Variants in CUX1 observed in about 807,000 individuals in gnomAD.
The protein encoded by CUX1 is protein CASP.
Under a neutral mutation model 158.8 loss-of-function variants are expected in CUX1, and 31 were observed. The observed-to-expected ratio is 0.20, with a 90% CI of 0.15 to 0.26. CUX1 has a LOEUF of 0.26. Ranked by LOEUF, CUX1 falls within the 10% of genes least tolerant of loss-of-function variation. The pLI is 1.00. For missense variants in CUX1, 1,589 were observed against 2,014.6 expected, an observed-to-expected ratio of 0.79 and a Z score of 4.04; for synonymous variants, 879 against 862.1, an observed-to-expected ratio of 1.02 and a Z score of -0.34.
chr7:102,231,307 G>A (rs1278133093), intron 21 of CUX1, among the ~76,000 whole-genome samples: 8 of 150,474 alleles, frequency 5.3e-5, no homozygotes, highest in Non-Finnish European at 1.0e-4. Flanking sequence ...TGGGATTACA[G>A]GCGTGAGCCA....
Position 102,170,647 on chromosome 7 carries a change from T to C in CUX1, c.828+97T>C, listed in dbSNP as rs1239438502. On this transcript the variant is annotated intron_variant, in intron 10 of 23. Transcript: ENST00000292535. ...CCTTTTTGTTTTCAGCATCTCTTTTTGGGAATCACGTTTTAACTAGTACTG... is the reference window on the plus strand; with the variant it reads ...CCTTTTTGTTTTCAGCATCTCTTTTCGGGAATCACGTTTTAACTAGTACTG... The C allele has an allele frequency of 6.0e-6, 5 of 832,732 alleles. No individual in the cohort carries two copies. The East Asian group carries it at 1.4e-4, about 23-fold the overall frequency. The allele number at this position is 832,732 out of a possible 1,614,324, so 51.6% of individuals were successfully genotyped here. A position where few individuals can be genotyped will look rare whatever the true frequency, so the allele number is the denominator to read the frequency against.
intron 11 of CUX1, among the ~76,000 whole-genome samples, chr7:102,183,965 A>G (rs781950494): frequency 1.3e-5 from 2 of 151,964 alleles, no homozygotes; most frequent in African/African-American, 4.8e-5. Context: ...TGGCACCATC[A>G]TAGCTCACTG....
At chr7:102,160,900 A>G (rs185242703) in intron 9 of CUX1, among the ~76,000 whole-genome samples, 2 of 152,350 alleles carry the variant, frequency 1.3e-5, no homozygotes, top group African/African-American at 4.8e-5. Context: ...GCTACTGAAA[A>G]GTACGCTAAT....
chr7:102,139,528 C>T (rs1554499640), intron 8 of CUX1, among the ~76,000 whole-genome samples: 1 of 152,186 alleles, frequency 6.6e-6, no homozygotes, highest in Non-Finnish European at 1.5e-5. Context: ...GGCATGGTGG[C>T]CCACCCCTGT....
chr7:102,073,352 T>C (rs1334443701), intron 4 of CUX1, among the ~76,000 whole-genome samples: 2 of 151,614 alleles, frequency 1.3e-5, no homozygotes, highest in Admixed American at 6.6e-5. Context: ...TTTTGTACTT[T>C]AGTAGAGACG....
Position 102,178,466 on chromosome 7 carries a change from C to A in CUX1, c.829-3C>A, listed in dbSNP as rs1792642707. On this transcript the variant is annotated splice_polypyrimidine_tract_variant and splice_region_variant and intron_variant, in intron 10 of 23. Transcript: ENST00000292535. Reference sequence around the variant, plus strand: ...GTTTTGTCATCTCTTTTCTCCTCCCCAGGAGCAGGCCATAGAGGTGCTGAC... The same window carrying A: ...GTTTTGTCATCTCTTTTCTCCTCCCAAGGAGCAGGCCATAGAGGTGCTGAC... The A allele has an allele frequency of 6.3e-7, 1 of 1,589,994 alleles. No homozygotes were observed. The highest frequency in any genetic ancestry group is 1.7e-5 in the Admixed American group (1 of 58,674).
At chr7:101,964,144 G>T (rs935738425) in intron 2 of CUX1, among the ~76,000 whole-genome samples, 1 of 152,018 alleles carries the variant, frequency 6.6e-6, no homozygotes. Flanking sequence ...CTGAGGTTAG[G>T]AGTTCGAGAC....
chr7:102,266,820 G>T (rs1457912599), intron 14 of CUX1, among the ~76,000 whole-genome samples: 1 of 152,170 alleles, frequency 6.6e-6, no homozygotes, highest in Non-Finnish European at 1.5e-5. Flanking sequence ...CAGCGTGAGG[G>T]GTGGCAGAGT....
At position 102,201,577 on chromosome 7, in the gene CUX1, C is replaced by T. The variant is rs782045469; in HGVS notation, c.2280C>T (p.Leu760=). The T allele has an allele frequency of 3.7e-6, 6 of 1,614,184 alleles. No individual in the cohort carries two copies. The highest frequency in any genetic ancestry group is 3.3e-5 in the South Asian group (3 of 91,084). Residue 760 remains leucine (L), a synonymous_variant, in exon 18 of 24, where the codon CTC becomes CTT. Transcript: ENST00000292535. This position sits in a 1 kb window ranked among gnomAD's most constrained non-coding sequence, Gnocchi z 5.0. ...CCACCGTGTCCAGCTACCCACCTCT[C>T]GCCATCTCCCTGAAGAAGCCCTCCG... The part of the protein sequence containing the change: ...PMPTVSSYPP[L]AISLKKPSAA...
chr7:101,923,275 A>G (rs539869094), intron 2 of CUX1, among the ~76,000 whole-genome samples: 3 of 152,362 alleles, frequency 2.0e-5, no homozygotes, highest in Admixed American at 6.5e-5. Flanking sequence ...CAACTCTCCA[A>G]TAAATGGTCG....
At chr7:101,816,869 G>A (rs1290884941), upstream of CUX1, 1 of 971,878 alleles carries the variant, frequency 1.0e-6, no homozygotes, top group South Asian at 4.8e-5. Flanking sequence ...GGCTGTCACC[G>A]GCCCGGGCCG....
intron 8 of CUX1, among the ~76,000 whole-genome samples, chr7:102,118,683 A>G (rs1831692110): frequency 6.6e-6 from 1 of 152,068 alleles, no homozygotes; most frequent in African/African-American, 2.4e-5. Flanking sequence ...TGAGCTGTCC[A>G]CCTCCCTTTC....
intron 8 of CUX1, among the ~76,000 whole-genome samples, chr7:102,120,873 G>A (rs1340196744): frequency 6.6e-6 from 1 of 152,120 alleles, no homozygotes; most frequent in Non-Finnish European, 1.5e-5. Context: ...AGACCAGCCT[G>A]GGCAACATAG....
chr7:102,007,774 C>T (rs1817553641), intron 2 of CUX1, among the ~76,000 whole-genome samples: 1 of 151,306 alleles, frequency 6.6e-6, no homozygotes, highest in Admixed American at 6.6e-5. Context: ...GATAGAGTCT[C>T]ACTCTTGTCA....
Position 102,126,802 on chromosome 7 carries a change from A to G in CUX1, c.674+11529A>G, listed in dbSNP as rs1049753817. 3.3e-5 allele frequency among the ~76,000 whole-genome samples: 5 copies of G among 152,316 alleles called. No individual in the cohort carries two copies. In the East Asian group the frequency reaches 5.8e-4, roughly 18 times the overall value. On this transcript the variant is annotated intron_variant, in intron 8 of 23. Transcript: ENST00000292535. The stretch of plus-strand genomic sequence containing the variant: ...GCACGTTCTATTTATTGTGCACTTT[A>G]TTATTATGACATTGTAATATATAAT...
chr7:101,909,942 C>A (rs1803228681), intron 1 of CUX1, among the ~76,000 whole-genome samples: 2 of 151,928 alleles, frequency 1.3e-5, no homozygotes, highest in African/African-American at 4.8e-5. Context: ...TTTTTTGAGA[C>A]AGAGTCTCGC....
chr7:102,151,152 G>A (rs1372660968), intron 8 of CUX1, among the ~76,000 whole-genome samples: 1 of 152,138 alleles, frequency 6.6e-6, no homozygotes, highest in African/African-American at 2.4e-5. Context: ...TACAGTTGTG[G>A]TATTAACCCC....
At chr7:102,269,083 C>T (rs1373171743) in intron 14 of CUX1, among the ~76,000 whole-genome samples, 1 of 151,488 alleles carries the variant, frequency 6.6e-6, no homozygotes, top group Non-Finnish European at 1.5e-5. Flanking sequence ...ACTACAGCTA[C>T]ACCACCACAC....
chr7:102,234,114 G>C lies in CUX1; in HGVS notation c.3496G>C (p.Ala1166Pro). ...LTQGSVSDLL[A>P]RPKPWHKLSL... ...CCAAGGCTCTGTCTCTGACCTCCTT[G>C]CCCGCCCCAAACCCTGGCATAAGCT... is the stretch of plus-strand genomic sequence containing the variant. The change falls in exon 22 of 24, where the codon GCC (alanine) becomes CCC (proline). Residue 1166 changes from alanine (A) to proline (P), a missense_variant. Around this residue, in one of 8 missense-constraint regions of CUX1, gnomAD observed 259 missense variants for 373.8 expected, o/e 0.69. Transcript: ENST00000292535. 6.3e-7 allele frequency: 1 copy of C among 1,596,812 alleles called. No individual in the cohort carries two copies. The highest frequency in any genetic ancestry group is 8.5e-7 in the Non-Finnish European group (1 of 1,172,548).
Sources: allele counts gnomAD v4.1 joint callset (sites outside exome capture counted in the v4.1 genomes callset), GRCh38; gene constraint gnomAD v4.1.1; regional missense constraint gnomAD v4.1.1; non-coding constraint Gnocchi (gnomAD v3.1); transcripts MANE v1.5; gene names NCBI Gene and HGNC (gene_info 2026-07-23, HGNC 2026-07-21).